Variants in PLS3 observed in about 807,000 individuals in gnomAD.
PLS3 encodes the protein plastin 3.
A neutral mutation model predicts 46.5 loss-of-function variants in PLS3; 11 were observed. The observed-to-expected ratio is 0.24, with a 90% CI of 0.15 to 0.39. The LOEUF is 0.39. PLS3 is among the 10% of genes least tolerant of loss of function. PLS3 has a pLI of 1.00. For synonymous variants in PLS3, 167 were observed against 162.2 expected (o/e 1.03, Z -0.22); for missense variants, 308 against 461.8 (o/e 0.67, Z 3.05).
intron 1 of PLS3, among the ~76,000 whole-genome samples, chrX:115,571,223 G>A (rs115284616): frequency 0.036 from 4,016 of 111,234 alleles, 176 homozygotes; most frequent in African/African-American, 0.12. Flanking sequence ...AGGATATGTG[G>A]AGAACTAGCC....
chrX:115,590,045 G>A (rs1556632894), intron 1 of PLS3, among the ~76,000 whole-genome samples: 1 of 111,228 alleles, frequency 9.0e-6, no homozygotes. Context: ...TGGTAGAGAC[G>A]GGGTTTCACC....
chrX:115,592,179 A>T (rs1390592977), intron 1 of PLS3, among the ~76,000 whole-genome samples: 1 of 111,937 alleles, frequency 8.9e-6, no homozygotes, highest in Admixed American at 9.5e-5. Context: ...ATGAAGGACT[A>T]GAGTATCTAT....
Position 115,636,854 on chromosome X carries a change from G to A in PLS3, c.767G>A (p.Arg256Gln), listed in dbSNP as rs1194209583. 8.3e-7 allele frequency: 1 copy of A among 1,199,434 alleles called. No individual in the cohort carries two copies. The change falls in exon 8 of 16, where the codon CGA (arginine) becomes CAA (glutamine). Residue 256 changes from arginine (R) to glutamine (Q), a missense_variant. Transcript: ENST00000355899. Reference protein sequence around the residue: ...SRNEALAALLRDGETLEELMK... With the variant: ...SRNEALAALLQDGETLEELMK... The stretch of plus-strand genomic sequence containing the variant: ...CTTCTAGCCTTGGCTGCTTTACTCC[G>A]AGATGGTGAGACTTTGGAGGAACTT...
intron 1 of PLS3, chrX:115,562,819 A>G (rs1603212272): frequency 1.5e-5 from 1 of 66,388 alleles, no homozygotes; most frequent in East Asian, 5.2e-4. Flanking sequence ...CATATTCCAA[A>G]AACCACCTCT....
At chrX:115,605,612 C>G (rs1169892769) in intron 1 of PLS3, among the ~76,000 whole-genome samples, 1 of 110,680 alleles carries the variant, frequency 9.0e-6, no homozygotes, top group Non-Finnish European at 1.9e-5. Context: ...TGTGCCACCA[C>G]CCACGATGCC....
rs78059457 is a variant in PLS3, at chrX:115,567,626, A to C, written c.-9+6366A>C. On this transcript the variant is annotated intron_variant, in intron 1 of 15. Transcript: ENST00000355899. ...ACAGAAAAACAAACAAACAAACAAA[A>C]AAAAACAGAAAATGTGGGAAGTTAA... Among the ~76,000 whole-genome samples the C allele has an allele frequency of 8.4e-3, 920 of 110,100 alleles. 11 individuals are homozygous for C. Among genetic ancestry groups the C allele is most frequent in the African/African-American group, 0.028 (839 of 30,281 alleles).
At chrX:115,633,843 G>T (rs1248230627) in intron 5 of PLS3, among the ~76,000 whole-genome samples, 157 bp from the exon 6 acceptor site, 19 of 111,488 alleles carry the variant, frequency 1.7e-4, no homozygotes, top group African/African-American at 6.2e-4. Flanking sequence ...AGTTTATTAT[G>T]ATCAACATGA....
chrX:115,605,652 C>A (rs973178916), intron 1 of PLS3, among the ~76,000 whole-genome samples: 20 of 110,407 alleles, frequency 1.8e-4, no homozygotes, highest in African/African-American at 6.6e-4. Context: ...TTGGTAGAGA[C>A]GAGGTTTCAC....
intron 1 of PLS3, among the ~76,000 whole-genome samples, chrX:115,566,471 C>CGAGG (rs2074173424): frequency 6.5e-5 from 7 of 108,439 alleles, no homozygotes. Flanking sequence ...TCACTGCAAG[C>CGAGG]TCCTCCTCCC....
intron 13 of PLS3, 39 bp downstream of exon 13, chrX:115,646,574 A>C: frequency 5.2e-6 from 6 of 1,149,103 alleles, no homozygotes; most frequent in Non-Finnish European, 7.1e-6. Context: ...CTTTACTATC[A>C]TACAGGTCTG....
intron 2 of PLS3, among the ~76,000 whole-genome samples, chrX:115,613,173 T>C (rs2074562894): frequency 9.0e-6 from 1 of 111,461 alleles, no homozygotes; most frequent in South Asian, 3.8e-4. Flanking sequence ...CTTTTTTCCC[T>C]CCTGAGCACT....
rs1429381407 is a variant in PLS3, at chrX:115,571,524, A to G, written c.-9+10264A>G. On this transcript the variant is annotated intron_variant, in intron 1 of 15. Transcript: ENST00000355899. ...CAGAGCAAGACTCTGGAAAAAAAAAAAAAAGAAAAAGAAAGAGAGAAAGAG... is the reference window on the plus strand; with the variant it reads ...CAGAGCAAGACTCTGGAAAAAAAAAGAAAAGAAAAAGAAAGAGAGAAAGAG... Among the ~76,000 whole-genome samples the G allele has an allele frequency of 3.6e-5, 4 of 110,233 alleles. No homozygotes were observed. In the East Asian group the frequency reaches 1.1e-3, roughly 31 times the overall value.
At chrX:115,641,103 CTG>C (rs2074890247) in intron 9 of PLS3, among the ~76,000 whole-genome samples, 1 of 110,698 alleles carries the variant, frequency 9.0e-6, no homozygotes, top group Admixed American at 9.7e-5. Context: ...TTCTAGGAAT[CTG>C]TGGTTTTTGT....
At position 115,643,433 on chromosome X, in the gene PLS3, G is replaced by A. The variant is rs1556641275; in HGVS notation, c.1108G>A (p.Val370Met). 1.8e-5 allele frequency: 22 copies of A among 1,201,324 alleles called. No individual in the cohort carries two copies. The highest frequency in any genetic ancestry group is 2.3e-5 in the Non-Finnish European group (20 of 887,898). ...SGNPKLNLAFVANLFNKYPAL... is the reference protein window; with the variant it reads ...SGNPKLNLAFMANLFNKYPAL... ...AAACCCCAAACTCAACTTAGCTTTC[G>A]TGGCTAACCTGTTTAATAAATACCC... Residue 370 changes from valine to methionine, a missense_variant, in exon 10 of 16, where the codon GTG becomes ATG. This residue lies in a region of PLS3 where 271 missense variants were observed against 435.7 expected (regional missense o/e 0.62). Transcript: ENST00000355899.
intron 1 of PLS3, among the ~76,000 whole-genome samples, chrX:115,578,830 TTTAA>T (rs2074264513): frequency 9.0e-6 from 1 of 111,687 alleles, no homozygotes; most frequent in Admixed American, 9.6e-5. Flanking sequence ...AATTAGATTT[TTTAA>T]TTAAACTTTT....
chrX:115,587,735 A>G (rs1211030812), intron 1 of PLS3, among the ~76,000 whole-genome samples: 2 of 92,946 alleles, frequency 2.2e-5, no homozygotes, highest in East Asian at 6.2e-4. Flanking sequence ...ACTCCGTCTC[A>G]AAAAAAAAAA....
intron 11 of PLS3, among the ~76,000 whole-genome samples, chrX:115,645,800 A>G (rs1556641627): frequency 9.0e-6 from 1 of 111,470 alleles, no homozygotes; most frequent in Non-Finnish European, 1.9e-5. Context: ...TTTATTGTCT[A>G]TCTCTCTGAC....
Position 115,610,487 on chromosome X carries a change from C to CT in PLS3, c.73+178dup, listed in dbSNP as rs368406135. 5.3e-3 allele frequency among the ~76,000 whole-genome samples: 499 copies of CT among 94,069 alleles called. 4 individuals are homozygous for CT. The highest frequency in any genetic ancestry group is 0.011 in the East Asian group (32 of 2,981). The allele number at this position is 94,069 out of a possible 115,157, so 81.7% of individuals were successfully genotyped here. A position where few individuals can be genotyped will look rare whatever the true frequency, so the allele number is the denominator to read the frequency against. ...AGCTATACTTAAAATTGTTTTATTT[C>CT]TTTTTTTTTTTTTTGGTCGAGTGGT... On this transcript the variant is annotated intron_variant, in intron 2 of 15. Coordinates refer to ENST00000355899, the MANE Select transcript of PLS3 (RefSeq NM_005032.7).
In PLS3 at chrX:115,633,985, A is replaced by T; in HGVS notation, c.501-15A>T. The stretch of plus-strand genomic sequence containing the variant: ...TTTTTTTTTACATCAGCCTTTTTTT[A>T]AATTTTTGTTTCAGTAAAATGATTA... On this transcript the variant is annotated splice_polypyrimidine_tract_variant and intron_variant, in intron 5 of 15. Coordinates refer to ENST00000355899, the MANE Select transcript of PLS3 (RefSeq NM_005032.7). 9 of 946,350 alleles carry T rather than the reference A, an allele frequency of 9.5e-6. No homozygotes were observed. Among genetic ancestry groups the T allele is most frequent in the Non-Finnish European group, 1.4e-5 (9 of 665,358 alleles). 78.0% of individuals were successfully genotyped at this position (946,350 alleles called of 1,213,427 possible). A position where few individuals can be genotyped will look rare whatever the true frequency, so the allele number is the denominator to read the frequency against.
Sources: allele counts gnomAD v4.1 joint callset (sites outside exome capture counted in the v4.1 genomes callset), GRCh38; gene constraint gnomAD v4.1.1; regional missense constraint gnomAD v4.1.1; transcripts MANE v1.5; gene names NCBI Gene and HGNC (gene_info 2026-07-23, HGNC 2026-07-21).